FBN2: variants seen among roughly 807,000 people sequenced by gnomAD.
FBN2 encodes fibrillin 2, also known as fibrillin-2.
In FBN2, 105 loss-of-function variants were observed where a neutral mutation model predicts 355.6. The ratio of observed to expected loss-of-function variants is 0.30; its 90% CI spans 0.25 to 0.35. FBN2 has a LOEUF of 0.35. Ranked by LOEUF, FBN2 falls within the 10% of genes least tolerant of loss-of-function variation. The pLI is 1.00. For missense variants in FBN2, 3,280 were observed against 3,758.7 expected (o/e 0.87, Z 3.33); for synonymous variants, 1,350 against 1,301.2 (o/e 1.04, Z -0.81).
At chr5:128,344,679 T>C (rs1751120928) in intron 24 of FBN2, among the ~76,000 whole-genome samples, 169 bp from the exon 25 acceptor site, 1 of 151,950 alleles carries the variant, frequency 6.6e-6, no homozygotes. Context: ...AGTTTCAATA[T>C]GGTGAAAAAG....
At chr5:128,377,685 A>G in intron 13 of FBN2, 67 bp downstream of exon 13, 1 of 1,531,758 alleles carries the variant, frequency 6.5e-7, no homozygotes, top group Admixed American at 1.7e-5. Flanking sequence ...TGGAAATAGT[A>G]CATGGTTCTA....
intron 5 of FBN2, among the ~76,000 whole-genome samples, chr5:128,466,135 G>T (rs1272422222): frequency 2.0e-5 from 3 of 152,192 alleles, no homozygotes; most frequent in African/African-American, 7.2e-5. Context: ...TGTTTTGAGA[G>T]ATACAAGAAA....
At chr5:128,446,383 T>C (rs1254182153) in intron 7 of FBN2, 98 bp downstream of exon 7, 2 of 1,279,316 alleles carry the variant, frequency 1.6e-6, no homozygotes, top group African/African-American at 2.9e-5. Context: ...ATAAAGAGTT[T>C]TAATTGTGAC....
chr5:128,370,939 T>C (rs1751917264), intron 15 of FBN2, among the ~76,000 whole-genome samples: 1 of 152,182 alleles, frequency 6.6e-6, no homozygotes, highest in African/African-American at 2.4e-5. Flanking sequence ...CAAGATGATC[T>C]TACATAAATT....
chr5:128,521,283 A>G (rs1461901127), intron 4 of FBN2, among the ~76,000 whole-genome samples: 1 of 152,128 alleles, frequency 6.6e-6, no homozygotes, highest in South Asian at 2.1e-4. Flanking sequence ...GCGAAACACC[A>G]CATGTTCTCA....
chr5:128,526,540 T>C (rs1477118084), intron 4 of FBN2, among the ~76,000 whole-genome samples: 2 of 152,168 alleles, frequency 1.3e-5, no homozygotes, highest in Admixed American at 6.6e-5. Flanking sequence ...TAATGAAATA[T>C]TATTTTGCCT....
intron 6 of FBN2, among the ~76,000 whole-genome samples, chr5:128,457,321 G>A (rs761923941): frequency 2.0e-5 from 3 of 152,146 alleles, no homozygotes; most frequent in Non-Finnish European, 2.9e-5. Context: ...CCTAACCTAC[G>A]ATTGACTGGA....
In FBN2 at chr5:128,375,617, T is replaced by C. The variant is rs569639864; in HGVS notation, c.1973-867A>G. Among the ~76,000 whole-genome samples, 8 of 152,320 alleles carry C rather than the reference T, an allele frequency of 5.3e-5. No individual in the cohort carries two copies. The East Asian group carries it at 5.8e-4, about 11-fold the overall frequency. On this transcript the variant is annotated intron_variant, in intron 14 of 64. Coordinates refer to ENST00000262464, the MANE Select transcript of FBN2 (RefSeq NM_001999.4). The stretch of plus-strand genomic sequence containing the variant: ...AACCTCTACTGTCCCTAGAATTTCA[T>C]TGTAATTCATTGAAATTATAAGAAT...
At chr5:128,500,430 C>A (rs199571568) in intron 5 of FBN2, among the ~76,000 whole-genome samples, 1 of 51,180 alleles carries the variant, frequency 2.0e-5, no homozygotes, top group Non-Finnish European at 3.4e-5. Flanking sequence ...TCTGACAATT[C>A]TTTTTTTTTT....
intron 5 of FBN2, among the ~76,000 whole-genome samples, chr5:128,470,207 G>T (rs1754820809): frequency 6.6e-6 from 1 of 152,186 alleles, no homozygotes; most frequent in Non-Finnish European, 1.5e-5. Flanking sequence ...GCTGTAGAAA[G>T]GAGGCTCAAC....
intron 40 of FBN2, 128 bp from the exon 41 acceptor site, chr5:128,309,527 G>C (rs765847938): frequency 8.1e-5 from 60 of 743,386 alleles, no homozygotes; most frequent in African/African-American, 7.7e-4. Flanking sequence ...GTCATTTGAA[G>C]CTATCTTAAA....
Position 128,290,010 on chromosome 5 carries a change from A to C in FBN2, c.6446-63T>G. 3 of 919,286 alleles carry C rather than the reference A, an allele frequency of 3.3e-6. No individual in the cohort carries two copies. The South Asian group carries it at 4.0e-5, about 12-fold the overall frequency. 56.9% of individuals were successfully genotyped at this position (919,286 alleles called of 1,614,324 possible). ...TTGAAATTATCAAAGAACTTAAGAA[A>C]GGATGAACAATATACATGAAATTAC... On this transcript the variant is annotated intron_variant, in intron 50 of 64. Transcript: ENST00000262464.
intron 19 of FBN2, 111 bp from the exon 20 acceptor site, chr5:128,357,506 T>A: frequency 7.9e-6 from 10 of 1,268,134 alleles, no homozygotes; most frequent in Non-Finnish European, 1.0e-5. Context: ...CTCTGGTAAT[T>A]TTAATATGGA....
intron 6 of FBN2, among the ~76,000 whole-genome samples, chr5:128,457,121 G>A (rs774517755): frequency 6.6e-5 from 10 of 152,148 alleles, no homozygotes; most frequent in Non-Finnish European, 1.5e-4. Context: ...ACCTAAGGGA[G>A]CTGAAAAACA....
intron 7 of FBN2, among the ~76,000 whole-genome samples, chr5:128,425,395 T>C (rs1034465626): frequency 1.3e-5 from 2 of 152,152 alleles, no homozygotes; most frequent in African/African-American, 4.8e-5. Flanking sequence ...ATTTCAGCAA[T>C]GCAAAAGTCA....
chr5:128,294,979 T>C (rs1419512617), intron 48 of FBN2, among the ~76,000 whole-genome samples: 3 of 149,146 alleles, frequency 2.0e-5, no homozygotes, highest in African/African-American at 7.5e-5. Context: ...GTCTAACGTT[T>C]AAGTCTTTAA....
At chr5:128,416,271 C>T (rs769271757) in intron 7 of FBN2, among the ~76,000 whole-genome samples, 4 of 152,132 alleles carry the variant, frequency 2.6e-5, no homozygotes, top group Admixed American at 6.5e-5. Context: ...GTGATCTGCC[C>T]GCCTCAGCCT....
At position 128,377,782 on chromosome 5, in the gene FBN2, C is replaced by G; in HGVS notation, c.1819G>C (p.Glu607Gln). Residue 607 changes from glutamate (E) to glutamine (Q), a missense_variant, in exon 13 of 65, where the codon GAA (glutamate) becomes CAA (glutamine). Around this residue, in one of 6 missense-constraint regions of FBN2, gnomAD observed 2,284 missense variants for 2,749.5 expected, o/e 0.83. Transcript: ENST00000262464. The stretch of plus-strand genomic sequence containing the variant: ...CAGTTTTTTCCATCTGTAGTTAATT[C>G]AAAGCCGGCATTGCAAATGCACTGG... ...SFQCICNAGF[E>Q]LTTDGKNCVD... The G allele has an allele frequency of 6.2e-7, 1 of 1,613,586 alleles. No homozygotes were observed. The highest frequency in any genetic ancestry group is 8.5e-7 in the Non-Finnish European group (1 of 1,179,642).
chr5:128,332,832 A>C (rs1245614361), intron 32 of FBN2, 80 bp downstream of exon 32: 1 of 1,316,700 alleles, frequency 7.6e-7, no homozygotes, highest in African/African-American at 1.4e-5. Flanking sequence ...AAAAGTGAAG[A>C]GCATGATTCT....
Sources: allele counts gnomAD v4.1 joint callset (sites outside exome capture counted in the v4.1 genomes callset), GRCh38; gene constraint gnomAD v4.1.1; regional missense constraint gnomAD v4.1.1; transcripts MANE v1.5; gene names NCBI Gene and HGNC (gene_info 2026-07-23, HGNC 2026-07-21).